Variants in KCNIP4 observed in about 807,000 individuals in gnomAD.
KCNIP4 encodes the protein potassium voltage-gated channel interacting protein 4.
In KCNIP4, 12 loss-of-function variants were observed where a neutral mutation model predicts 34.0. The observed-to-expected ratio is 0.35, with a 90% CI of 0.23 to 0.57. The LOEUF is 0.57. Among genes scored for constraint, KCNIP4 ranks in the 20% least tolerant of loss-of-function variants. The probability of loss-of-function intolerance (pLI) is 0.83; values close to 1 mark genes in which losing one functional copy is unlikely to be tolerated. For missense variants in KCNIP4, 238 were observed against 311.7 expected, an observed-to-expected ratio of 0.76 and a Z score of 1.78; for synonymous variants, 124 against 102.2, an observed-to-expected ratio of 1.21 and a Z score of -1.29.
At chr4:20,989,407 A>G (rs577037018) in intron 1 of KCNIP4, among the ~76,000 whole-genome samples, 1 of 152,354 alleles carries the variant, frequency 6.6e-6, no homozygotes, top group Admixed American at 6.5e-5. Context: ...GGAAGTGGAC[A>G]CAGGTGGCTT....
intron 1 of KCNIP4, among the ~76,000 whole-genome samples, chr4:21,821,454 A>G (rs940065324): frequency 6.6e-6 from 1 of 152,242 alleles, no homozygotes; most frequent in South Asian, 2.1e-4. Context: ...AAGAAATCCA[A>G]TCTCTTTTCA....
chr4:21,108,469 G>C (rs375723086), intron 1 of KCNIP4, among the ~76,000 whole-genome samples: 43 of 151,534 alleles, frequency 2.8e-4, no homozygotes, highest in African/African-American at 7.1e-4. Context: ...AAGCACTTCT[G>C]TGTATTGGTT....
chr4:21,129,998 A>AAAGTGGC (rs1560748902), intron 1 of KCNIP4, among the ~76,000 whole-genome samples: 1 of 152,146 alleles, frequency 6.6e-6, no homozygotes, highest in African/African-American at 2.4e-5. Flanking sequence ...GCTGAACTAT[A>AAAGTGGC]AAGTGGCAAG....
At chr4:20,824,155 TGTGCCTAA>T (rs1344162243) in intron 3 of KCNIP4, among the ~76,000 whole-genome samples, 1 of 152,242 alleles carries the variant, frequency 6.6e-6, no homozygotes, top group Non-Finnish European at 1.5e-5. Context: ...CTTTATGTGA[TGTGCCTAA>T]GTGTCTAGCA....
chr4:21,519,689 T>TAC lies in KCNIP4; in HGVS notation c.61+428880_61+428881dup, dbSNP rs761322486. Among the ~76,000 whole-genome samples the TAC allele has an allele frequency of 2.1e-4, 30 of 142,830 alleles. No individual in the cohort carries two copies. The East Asian group carries it at 3.0e-3, about 14-fold the overall frequency. 93.7% of individuals were successfully genotyped at this position (142,830 alleles called of 152,430 possible). ...ACACGTGTGTGTATGTATGTGTATA[T>TAC]ACACACGTGTGTGTATGTATGTGTA... On this transcript the variant is annotated intron_variant, in intron 1 of 8. Transcript: ENST00000382152.
intron 1 of KCNIP4, among the ~76,000 whole-genome samples, chr4:21,868,952 T>C (rs1445513552): frequency 6.6e-6 from 1 of 152,228 alleles, no homozygotes; most frequent in Non-Finnish European, 1.5e-5. Context: ...TAAAATGTTC[T>C]CACTGGGAAA....
chr4:21,321,375 C>T (rs1714396074), intron 1 of KCNIP4, among the ~76,000 whole-genome samples: 1 of 151,916 alleles, frequency 6.6e-6, no homozygotes. Flanking sequence ...GAGATAAATG[C>T]CTATTATGTG....
At chr4:21,226,232 G>A (rs1758370957) in intron 1 of KCNIP4, among the ~76,000 whole-genome samples, 1 of 112,754 alleles carries the variant, frequency 8.9e-6, no homozygotes, top group Non-Finnish European at 1.7e-5. Context: ...GGCAGCATAG[G>A]GGGAGGGAGG....
chr4:21,017,667 T>C (rs913663007), intron 1 of KCNIP4, among the ~76,000 whole-genome samples: 4 of 152,204 alleles, frequency 2.6e-5, no homozygotes, highest in Non-Finnish European at 5.9e-5. Context: ...TGCATGTATC[T>C]TTATAATAGA....
chr4:21,812,921 C>T (rs4257641), intron 1 of KCNIP4, among the ~76,000 whole-genome samples: 9 of 152,032 alleles, frequency 5.9e-5, no homozygotes, highest in African/African-American at 2.2e-4. Flanking sequence ...CCAGGATCCA[C>T]ACTTTCACAT....
chr4:20,916,458 G>T lies in KCNIP4; in HGVS notation c.62-33749C>A, dbSNP rs920744988. ...TGTGGTTTCTGTGTGCAATCTAGGAGAAAAAATAGTACCATTATGAAGTAG... is the reference window on the plus strand; with the variant it reads ...TGTGGTTTCTGTGTGCAATCTAGGATAAAAAATAGTACCATTATGAAGTAG... On this transcript the variant is annotated intron_variant, in intron 1 of 8. Coordinates refer to ENST00000382152, the MANE Select transcript of KCNIP4 (RefSeq NM_025221.6). 5 of 476,346 alleles carry T rather than the reference G, an allele frequency of 1.0e-5. No individual in the cohort carries two copies. The African/African-American group carries it at 1.1e-4, about 10-fold the overall frequency. The allele number at this position is 476,346 out of a possible 1,614,324, so 29.5% of individuals were successfully genotyped here. A position where few individuals can be genotyped will look rare whatever the true frequency, so the allele number is the denominator to read the frequency against.
chr4:21,798,124 C>CAA (rs66713649), intron 1 of KCNIP4, among the ~76,000 whole-genome samples: 1 of 145,172 alleles, frequency 6.9e-6, no homozygotes, highest in Non-Finnish European at 1.5e-5. Context: ...ATATAAAATA[C>CAA]AAAAAAAAAA....
chr4:21,753,917 C>G (rs774918563), intron 1 of KCNIP4, among the ~76,000 whole-genome samples: 5 of 151,992 alleles, frequency 3.3e-5, no homozygotes, highest in African/African-American at 1.2e-4. Flanking sequence ...ATCTACTGAC[C>G]CCCTCCTCCT....
chr4:21,188,961 T>G (rs1444128411), intron 1 of KCNIP4, among the ~76,000 whole-genome samples: 2 of 152,170 alleles, frequency 1.3e-5, no homozygotes, highest in Non-Finnish European at 2.9e-5. Context: ...GCTGTAGAGT[T>G]AGAAAGTCCT....
At chr4:21,510,125 T>C (rs550385423) in intron 1 of KCNIP4, among the ~76,000 whole-genome samples, 1 of 150,774 alleles carries the variant, frequency 6.6e-6, no homozygotes, top group South Asian at 2.1e-4. Context: ...TCATATCATG[T>C]AAAATTGCAG....
intron 1 of KCNIP4, among the ~76,000 whole-genome samples, chr4:21,696,116 A>G (rs549790072): frequency 6.6e-6 from 1 of 152,306 alleles, no homozygotes; most frequent in Non-Finnish European, 1.5e-5. Context: ...GGATATTAAC[A>G]GGAAATTAAC....
intron 1 of KCNIP4, among the ~76,000 whole-genome samples, chr4:21,408,980 T>G (rs1305688531): frequency 6.6e-6 from 1 of 152,218 alleles, no homozygotes; most frequent in African/African-American, 2.4e-5. Context: ...CATATTGCTA[T>G]TGGGCACTTT....
chr4:20,890,840 A>G (rs1725842748), intron 1 of KCNIP4, among the ~76,000 whole-genome samples: 1 of 152,228 alleles, frequency 6.6e-6, no homozygotes, highest in Non-Finnish European at 1.5e-5. Context: ...GCCTGACATT[A>G]CTGAAAACAC....
intron 1 of KCNIP4, among the ~76,000 whole-genome samples, chr4:21,355,920 C>A (rs568812802): frequency 1.6e-4 from 25 of 152,102 alleles, no homozygotes; most frequent in Admixed American, 1.2e-3. Context: ...ACTGGCAAAC[C>A]GAATCCAGCA....
Sources: gnomAD v4.1 joint callset for allele counts (sites outside exome capture counted in the v4.1 genomes callset) on GRCh38, gnomAD v4.1.1 for gene constraint, MANE v1.5 for transcripts, NCBI Gene and HGNC (gene_info 2026-07-23, HGNC 2026-07-21) for gene names.